The following GALNT17 variants were observed in gnomAD, a reference collection of about 807,000 sequenced individuals.
GALNT17 encodes polypeptide N-acetylgalactosaminyltransferase 17.
A neutral mutation model predicts 63.7 loss-of-function variants in GALNT17; 29 were observed. The ratio of observed to expected loss-of-function variants is 0.46; its 90% confidence interval spans 0.34 to 0.62. The LOEUF (loss-of-function observed/expected upper bound fraction) is 0.62, where lower values mean the gene tolerates loss of function less well. Among genes scored for constraint, GALNT17 ranks in the 20% least tolerant of loss-of-function variants. GALNT17 has a pLI of 0.01. For synonymous variants in GALNT17, 305 were observed against 318.3 expected (o/e 0.96, Z 0.45); for missense variants, 603 against 799.6 (o/e 0.75, Z 2.97).
intron 1 of GALNT17, among the ~76,000 whole-genome samples, chr7:71,141,745 C>T (rs187062559): frequency 1.3e-5 from 2 of 149,352 alleles, no homozygotes; most frequent in South Asian, 4.3e-4. Context: ...GGCATGATCT[C>T]GGCTCACTGC....
intron 1 of GALNT17, among the ~76,000 whole-genome samples, chr7:71,329,915 G>GTA (rs142627083): frequency 0.32 from 46,343 of 143,476 alleles, 7,429 homozygotes; most frequent in East Asian, 0.49. Flanking sequence ...ATATATATAT[G>GTA]TATGTGTGTG....
chr7:71,218,355 T>C (rs1488166922), intron 1 of GALNT17, among the ~76,000 whole-genome samples: 6 of 152,176 alleles, frequency 3.9e-5, no homozygotes, highest in Admixed American at 2.0e-4. Flanking sequence ...TTTTTGTTCT[T>C]TCCTTGGAGT....
intron 9 of GALNT17, among the ~76,000 whole-genome samples, chr7:71,680,837 CTTCCT>C (rs1791249579): frequency 1.4e-5 from 2 of 142,344 alleles, no homozygotes; most frequent in Admixed American, 1.5e-4. Context: ...CCCTTCCTTT[CTTCCT>C]TTCCTTTCCT....
intron 3 of GALNT17, among the ~76,000 whole-genome samples, chr7:71,389,462 T>C (rs73360172): frequency 0.094 from 14,296 of 152,044 alleles, 1,369 homozygotes; most frequent in African/African-American, 0.25. Context: ...GAGAATCTAA[T>C]GTCTGATGAT....
intron 6 of GALNT17, among the ~76,000 whole-genome samples, chr7:71,598,887 G>A (rs767922053): frequency 5.0e-4 from 76 of 152,058 alleles, no homozygotes; most frequent in Non-Finnish European, 9.4e-4. Flanking sequence ...GGTGGGTGGT[G>A]GGGGTGGTGT....
At chr7:71,585,990 A>C (rs1789712034) in intron 6 of GALNT17, among the ~76,000 whole-genome samples, 1 of 148,560 alleles carries the variant, frequency 6.7e-6, no homozygotes, top group Admixed American at 6.9e-5. Context: ...GGCTCATTGC[A>C]ACCTCTGCCT....
intron 1 of GALNT17, among the ~76,000 whole-genome samples, chr7:71,326,041 CTT>C (rs1312121605): frequency 6.6e-6 from 1 of 152,006 alleles, no homozygotes; most frequent in Non-Finnish European, 1.5e-5. Flanking sequence ...CCTTTTCTGT[CTT>C]TTGTTTTTTT....
At position 71,252,074 on chromosome 7, in the gene GALNT17, A is replaced by G. The variant is rs141390366; in HGVS notation, c.239-83476A>G. On this transcript the variant is annotated intron_variant, in intron 1 of 10. Transcript: ENST00000333538. ...GCAAATTGTCCTTCCGACATGGGAC[A>G]TCACCCCCAAAAGAGGATGTCACCA... 3.9e-5 allele frequency among the ~76,000 whole-genome samples: 6 copies of G among 152,246 alleles called. No individual in the cohort carries two copies. The East Asian group carries it at 1.2e-3, about 30-fold the overall frequency.
intron 5 of GALNT17, among the ~76,000 whole-genome samples, chr7:71,435,727 C>T (rs1403643625): frequency 1.3e-5 from 2 of 151,980 alleles, no homozygotes; most frequent in Non-Finnish European, 2.9e-5. Flanking sequence ...CTCTAAAAAA[C>T]TCTGATCCCC....
At chr7:71,405,924 A>G (rs1012126) in intron 3 of GALNT17, among the ~76,000 whole-genome samples, 118,626 of 152,142 alleles carry the variant, frequency 0.78, 46,637 homozygotes, top group African/African-American at 0.86. Flanking sequence ...CATCTGTAAA[A>G]TGGGGTCGAT....
chr7:71,237,470 G>C (rs1789913678), intron 1 of GALNT17, among the ~76,000 whole-genome samples: 1 of 142,498 alleles, frequency 7.0e-6, no homozygotes, highest in African/African-American at 2.6e-5. Flanking sequence ...GAGGCCAGGA[G>C]TCTGAGACCA....
chr7:71,378,057 T>C (rs4717593), intron 2 of GALNT17, among the ~76,000 whole-genome samples: 20,731 of 152,200 alleles, frequency 0.14, 1,722 homozygotes, highest in East Asian at 0.4. Flanking sequence ...GACCACAAAA[T>C]ATCTCATGCT....
At chr7:71,581,855 G>A (rs1017025982) in intron 6 of GALNT17, among the ~76,000 whole-genome samples, 1 of 152,142 alleles carries the variant, frequency 6.6e-6, no homozygotes, top group African/African-American at 2.4e-5. Flanking sequence ...ACAAGGCTGG[G>A]AAGGGACTCT....
chr7:71,524,856 A>T (rs540440541), intron 5 of GALNT17, among the ~76,000 whole-genome samples: 1 of 152,222 alleles, frequency 6.6e-6, no homozygotes, highest in East Asian at 1.9e-4. Context: ...TTTTAAACTC[A>T]GTTTTGGAGT....
intron 1 of GALNT17, among the ~76,000 whole-genome samples, chr7:71,133,372 G>A (rs1787723131): frequency 1.3e-5 from 2 of 150,322 alleles, no homozygotes; most frequent in African/African-American, 4.9e-5. Context: ...GGGGCCACAT[G>A]GGACTGGAGG....
At chr7:71,631,987 A>G (rs1377111834) in intron 6 of GALNT17, among the ~76,000 whole-genome samples, 3 of 151,908 alleles carry the variant, frequency 2.0e-5, no homozygotes, top group Admixed American at 6.6e-5. Context: ...GCCTCAAGCA[A>G]TTCTCTGGCC....
intron 1 of GALNT17, among the ~76,000 whole-genome samples, chr7:71,192,645 C>A (rs78385008): frequency 6.6e-6 from 1 of 152,128 alleles, no homozygotes; most frequent in Non-Finnish European, 1.5e-5. Flanking sequence ...AGCCACCCAC[C>A]TTGGCCTCCC....
At chr7:71,555,012 C>T (rs1166684264) in intron 5 of GALNT17, among the ~76,000 whole-genome samples, 3 of 152,128 alleles carry the variant, frequency 2.0e-5, no homozygotes, top group Non-Finnish European at 2.9e-5. Context: ...CTTCAGACAT[C>T]TTCAGTCATA....
chr7:71,618,710 G>A (rs1790251763), intron 6 of GALNT17, among the ~76,000 whole-genome samples: 1 of 152,032 alleles, frequency 6.6e-6, no homozygotes, highest in Admixed American at 6.6e-5. Context: ...CTGGATTTTA[G>A]GCCTTTGCTG....
Sources: gnomAD v4.1 joint callset for allele counts (sites outside exome capture counted in the v4.1 genomes callset) on GRCh38, gnomAD v4.1.1 for gene constraint, MANE v1.5 for transcripts, NCBI Gene and HGNC (gene_info 2026-07-23, HGNC 2026-07-21) for gene names.